RAB6B: variants seen among roughly 807,000 people sequenced by gnomAD.
RAB6B encodes the protein ras-related protein Rab-6B.
A neutral mutation model predicts 31.2 loss-of-function variants in RAB6B; 7 were observed. That is an observed-to-expected ratio of 0.22 (90% CI 0.13 to 0.42). RAB6B has a LOEUF of 0.42. Among genes scored for constraint, RAB6B ranks in the 10% least tolerant of loss-of-function variants. RAB6B has a pLI of 1.00. For synonymous variants in RAB6B, 105 were observed against 104.9 expected, an observed-to-expected ratio of 1.00 and a Z score of -0.01; for missense variants, 149 against 280.6, an observed-to-expected ratio of 0.53 and a Z score of 3.35.
At chr3:133,858,843 G>A (rs574203138) in intron 2 of RAB6B, among the ~76,000 whole-genome samples, 10 of 152,256 alleles carry the variant, frequency 6.6e-5, no homozygotes, top group South Asian at 2.1e-4. Flanking sequence ...CCAACATGCC[G>A]AGCTTTTCAG....
At chr3:133,856,528 A>C (rs185074761) in intron 2 of RAB6B, among the ~76,000 whole-genome samples, 1 of 152,232 alleles carries the variant, frequency 6.6e-6, no homozygotes, top group East Asian at 1.9e-4. Flanking sequence ...CATTACTCTT[A>C]GCCTCTAGAG....
At chr3:133,892,876 G>A (rs1936655373) in intron 1 of RAB6B, among the ~76,000 whole-genome samples, 1 of 152,236 alleles carries the variant, frequency 6.6e-6, no homozygotes, top group Non-Finnish European at 1.5e-5. Flanking sequence ...TGCAGGCAAG[G>A]TAGAAGAAGC....
At chr3:133,840,051 A>G (rs779501250) in intron 4 of RAB6B, among the ~76,000 whole-genome samples, 23 of 152,224 alleles carry the variant, frequency 1.5e-4, no homozygotes, top group Non-Finnish European at 2.6e-4. Context: ...GGGTGGGCAG[A>G]GGAGGACACA....
chr3:133,895,622 C>G lies in RAB6B; in HGVS notation c.-156G>C. ...CCTGACTCCCCAGCTGCGTCCCGGTCCCGGCCTGCGGCTGCGTGTCCGGCG... is the reference window on the plus strand; with the variant it reads ...CCTGACTCCCCAGCTGCGTCCCGGTGCCGGCCTGCGGCTGCGTGTCCGGCG... On this transcript the variant is annotated 5_prime_UTR_variant, in exon 1 of 8. Transcript: ENST00000285208. 3.0e-6 allele frequency: 2 copies of G among 677,626 alleles called. No homozygotes were observed. The highest frequency in any genetic ancestry group is 4.9e-6 in the Non-Finnish European group (2 of 404,116). The allele number at this position is 677,626 out of a possible 1,614,324, so 42.0% of individuals were successfully genotyped here.
At position 133,864,507 on chromosome 3, in the gene RAB6B, C is replaced by T. The variant is rs905074820; in HGVS notation, c.129+77G>A. On this transcript the variant is annotated intron_variant, in intron 2 of 7. Transcript: ENST00000285208. ...CTGGGAACCCAGGGCCATTCCACTCCCACCCCAGCTCAGCAAGTTTCAAAG... is the reference window on the plus strand; with the variant it reads ...CTGGGAACCCAGGGCCATTCCACTCTCACCCCAGCTCAGCAAGTTTCAAAG... 8.8e-6 allele frequency: 13 copies of T among 1,473,860 alleles called. No individual in the cohort carries two copies. The Middle Eastern group carries it at 5.2e-4, about 59-fold the overall frequency. 91.3% of individuals were successfully genotyped at this position (1,473,860 alleles called of 1,614,324 possible).
At chr3:133,856,036 CGAA>C (rs1361082681) in intron 2 of RAB6B, among the ~76,000 whole-genome samples, 2 of 151,930 alleles carry the variant, frequency 1.3e-5, no homozygotes, top group African/African-American at 4.8e-5. Context: ...CCAGCACGCA[CGAA>C]GATGAGAACC....
In RAB6B at chr3:133,841,657, T is replaced by C; in HGVS notation, c.136A>G (p.Ile46Val). Residue 46 changes from isoleucine to valine, a missense_variant, in exon 3 of 8, where the codon ATT becomes GTT. Physicochemically the swap from Ile to Val is conservative, Grantham distance 29 (BLOSUM62 3). This residue lies in a region of RAB6B where 75 missense variants were observed against 180.1 expected (regional missense o/e 0.42). Coordinates refer to ENST00000285208, the MANE Select transcript of RAB6B (RefSeq NM_016577.4). ...GTTTTTGACAAGAAGTCAATCCCAA[T>C]GGTTGCCTGTTAGAGAAAAGCACAG... ...DSFDNTYQAT[I>V]GIDFLSKTMY... The C allele has an allele frequency of 1.9e-6, 3 of 1,613,828 alleles. No individual in the cohort carries two copies. The highest frequency in any genetic ancestry group is 2.5e-6 in the Non-Finnish European group (3 of 1,179,948).
chr3:133,845,594 C>A (rs1935898246), intron 2 of RAB6B, among the ~76,000 whole-genome samples: 1 of 152,242 alleles, frequency 6.6e-6, no homozygotes, highest in Admixed American at 6.5e-5. Context: ...TCTGTCTTAA[C>A]AAGGTCCATA....
intron 1 of RAB6B, among the ~76,000 whole-genome samples, chr3:133,886,794 T>C (rs1211221539): frequency 6.6e-6 from 1 of 152,214 alleles, no homozygotes; most frequent in Non-Finnish European, 1.5e-5. Context: ...TACTATTTCA[T>C]TAACAAAATT....
intron 2 of RAB6B, among the ~76,000 whole-genome samples, chr3:133,842,474 A>T (rs1181899918): frequency 6.6e-6 from 1 of 152,250 alleles, no homozygotes; most frequent in Non-Finnish European, 1.5e-5. Flanking sequence ...CTATGTAATC[A>T]ATAATAACAA....
At chr3:133,840,878 G>A (rs1428738828) in intron 4 of RAB6B, among the ~76,000 whole-genome samples, 2 of 152,326 alleles carry the variant, frequency 1.3e-5, no homozygotes, top group African/African-American at 4.8e-5. Flanking sequence ...CTGGGCCGGG[G>A]TTGGCCTAGG....
intron 2 of RAB6B, among the ~76,000 whole-genome samples, chr3:133,845,532 C>T (rs146750268): frequency 0.018 from 2,674 of 152,324 alleles, 68 homozygotes; most frequent in African/African-American, 0.059. Context: ...ATGTCAATTG[C>T]TTATACGTTA....
At chr3:133,872,872 G>A (rs997646774) in intron 1 of RAB6B, among the ~76,000 whole-genome samples, 9 of 152,210 alleles carry the variant, frequency 5.9e-5, no homozygotes, top group African/African-American at 2.2e-4. Context: ...CCTCACCCAG[G>A]GATCCAGAGA....
chr3:133,854,220 G>C (rs1936041492), intron 2 of RAB6B, among the ~76,000 whole-genome samples: 1 of 152,220 alleles, frequency 6.6e-6, no homozygotes, highest in South Asian at 2.1e-4. Context: ...CTCATGAAAG[G>C]CTGACCTTCA....
intron 1 of RAB6B, among the ~76,000 whole-genome samples, chr3:133,878,248 T>C (rs562686754): frequency 8.5e-5 from 13 of 152,164 alleles, no homozygotes; most frequent in Non-Finnish European, 1.8e-4. Context: ...CTTAGTCAAA[T>C]TGCATAGTCA....
chr3:133,842,893 TAATA>T (rs771972779), intron 2 of RAB6B, among the ~76,000 whole-genome samples: 1 of 152,264 alleles, frequency 6.6e-6, no homozygotes, highest in Admixed American at 6.5e-5. Flanking sequence ...AAATAAAGTT[TAATA>T]AATAAGTTTA....
intron 1 of RAB6B, among the ~76,000 whole-genome samples, chr3:133,887,129 C>T (rs1250608230): frequency 2.0e-5 from 3 of 152,284 alleles, no homozygotes; most frequent in Non-Finnish European, 1.5e-5. Flanking sequence ...CCCAGCTTAC[C>T]CCTCCCACCA....
rs571479568 is a variant in RAB6B at position 133,830,188 on chromosome 3, T to C, written c.563-1336A>G. ...ATGGCCCATGCCGGCAGTGCAGTCC[T>C]GTTCTGTATTGCTGGCCTGGGCACA... On this transcript the variant is annotated intron_variant, in intron 7 of 7. Coordinates refer to ENST00000285208, the MANE Select transcript of RAB6B (RefSeq NM_016577.4). Among the ~76,000 whole-genome samples, 208 of 152,362 alleles carry C rather than the reference T, an allele frequency of 1.4e-3. No homozygotes were observed. In the Middle Eastern group the frequency reaches 0.024, roughly 17 times the overall value.
intron 2 of RAB6B, 90 bp downstream of exon 2, chr3:133,864,494 G>A (rs1046831687): frequency 7.6e-7 from 1 of 1,322,584 alleles, no homozygotes; most frequent in African/African-American, 1.4e-5. Flanking sequence ...GGGAACCCAG[G>A]GCCATTCCAC....
Sources: gnomAD v4.1 joint callset for allele counts (sites outside exome capture counted in the v4.1 genomes callset) on GRCh38, gnomAD v4.1.1 for gene constraint, gnomAD v4.1.1 regional missense constraint, MANE v1.5 for transcripts, NCBI Gene and HGNC (gene_info 2026-07-23, HGNC 2026-07-21) for gene names.